Variants in TTC28 observed in about 807,000 individuals in gnomAD.
TTC28 encodes tetratricopeptide repeat protein 28.
Under a neutral mutation model 198.0 loss-of-function variants are expected in TTC28, and 61 were observed. The observed-to-expected ratio is 0.31, with a 90% CI of 0.25 to 0.38. The LOEUF (loss-of-function observed/expected upper bound fraction) is 0.38, where lower values mean the gene tolerates loss of function less well. TTC28 is among the 10% of genes least tolerant of loss of function. The pLI, the probability that TTC28 is intolerant of heterozygous loss-of-function variation, is 1.00. For missense variants in TTC28, 2,678 were observed against 3,164.0 expected, an observed-to-expected ratio of 0.85 and a Z score of 3.69; for synonymous variants, 1,171 against 1,297.8, an observed-to-expected ratio of 0.90 and a Z score of 2.10.
At chr22:28,203,195 G>T (rs948949434) in intron 5 of TTC28, among the ~76,000 whole-genome samples, 3 of 152,056 alleles carry the variant, frequency 2.0e-5, no homozygotes, top group African/African-American at 7.2e-5. Context: ...CAGAAATTGT[G>T]GCTTTTTCAT....
intron 5 of TTC28, among the ~76,000 whole-genome samples, chr22:28,170,404 G>A (rs889623925): frequency 7.3e-5 from 11 of 151,340 alleles, no homozygotes; most frequent in African/African-American, 2.4e-4. Context: ...CAGGAGAATG[G>A]CGTGAACCCA....
chr22:28,194,178 GACT>G (rs1925164196), intron 5 of TTC28, among the ~76,000 whole-genome samples: 2 of 152,164 alleles, frequency 1.3e-5, no homozygotes, highest in Admixed American at 6.5e-5. Flanking sequence ...ACTCCTCAAT[GACT>G]ACTGGGTACA....
At chr22:28,651,728 C>CT (rs1414886812) in intron 1 of TTC28, among the ~76,000 whole-genome samples, 4 of 149,874 alleles carry the variant, frequency 2.7e-5, no homozygotes, top group Non-Finnish European at 4.5e-5. Context: ...ACCCTCCTGA[C>CT]CTCTCTTAAA....
At chr22:28,116,573 T>C (rs1942635963) in intron 6 of TTC28, among the ~76,000 whole-genome samples, 1 of 152,170 alleles carries the variant, frequency 6.6e-6, no homozygotes. Flanking sequence ...AGTCAGAGTG[T>C]GCCTGGTTTT....
intron 6 of TTC28, among the ~76,000 whole-genome samples, chr22:28,157,731 G>C (rs191193563): frequency 6.6e-5 from 10 of 151,998 alleles, no homozygotes; most frequent in Admixed American, 4.6e-4. Context: ...TCATAAAAAC[G>C]CTCAAAAAAA....
chr22:28,437,501 T>G (rs1241577299), intron 2 of TTC28, among the ~76,000 whole-genome samples: 1 of 152,196 alleles, frequency 6.6e-6, no homozygotes. Context: ...TATCCAACTT[T>G]GGAGAACATT....
intron 2 of TTC28, among the ~76,000 whole-genome samples, chr22:28,313,229 C>T (rs1365171453): frequency 6.6e-6 from 1 of 152,092 alleles, no homozygotes; most frequent in Non-Finnish European, 1.5e-5. Context: ...AATAGCCTAC[C>T]AAACAAAAAC....
chr22:28,177,473 C>T (rs1047224533), intron 5 of TTC28, among the ~76,000 whole-genome samples: 1 of 152,188 alleles, frequency 6.6e-6, no homozygotes, highest in Admixed American at 6.5e-5. Context: ...TCAACATGGT[C>T]TTACCATGTG....
intron 2 of TTC28, among the ~76,000 whole-genome samples, chr22:28,553,204 GCCA>G (rs2049719385): frequency 6.6e-6 from 1 of 151,982 alleles, no homozygotes. Flanking sequence ...CTGCCCGGCC[GCCA>G]CCCCGTCTGG....
At chr22:28,271,208 A>AT (rs1048383915) in intron 5 of TTC28, among the ~76,000 whole-genome samples, 21 of 151,224 alleles carry the variant, frequency 1.4e-4, no homozygotes, top group African/African-American at 5.1e-4. Flanking sequence ...AGTAGCTGGG[A>AT]TTATAGGCAT....
chr22:28,208,737 A>AT (rs1926640489), intron 5 of TTC28, among the ~76,000 whole-genome samples: 1 of 152,132 alleles, frequency 6.6e-6, no homozygotes, highest in East Asian at 1.9e-4. Flanking sequence ...ATGTGCATAT[A>AT]TTTTTTCCAA....
At chr22:28,627,485 G>A (rs537481239) in intron 2 of TTC28, among the ~76,000 whole-genome samples, 2 of 148,356 alleles carry the variant, frequency 1.3e-5, no homozygotes, top group Non-Finnish European at 3.0e-5. Context: ...AGGCTGGAGT[G>A]CAGTGGTGCG....
chr22:28,085,977 T>C (rs1941577924), intron 12 of TTC28, among the ~76,000 whole-genome samples: 1 of 152,112 alleles, frequency 6.6e-6, no homozygotes, highest in Non-Finnish European at 1.5e-5. Context: ...CTAAAATATA[T>C]ATGCACCCAA....
At chr22:28,015,323 C>A (rs745452348) in intron 13 of TTC28, among the ~76,000 whole-genome samples, 29 of 151,266 alleles carry the variant, frequency 1.9e-4, no homozygotes, top group Non-Finnish European at 7.4e-5. Context: ...GTGGCCGCAG[C>A]ACAGCCATCA....
intron 2 of TTC28, among the ~76,000 whole-genome samples, chr22:28,523,726 CAGT>C (rs1384999835): frequency 6.6e-6 from 1 of 152,156 alleles, no homozygotes; most frequent in Non-Finnish European, 1.5e-5. Flanking sequence ...GCAAAGAACA[CAGT>C]AGAGCCTGAC....
At chr22:28,059,908 G>A (rs905817424) in intron 12 of TTC28, among the ~76,000 whole-genome samples, 15 of 134,026 alleles carry the variant, frequency 1.1e-4, no homozygotes, top group East Asian at 3.9e-4. Flanking sequence ...ATGGTATATC[G>A]TTTTCTACCC....
intron 16 of TTC28, 21 bp downstream of exon 16, chr22:27,998,519 C>G: frequency 1.3e-6 from 2 of 1,538,284 alleles, no homozygotes; most frequent in Non-Finnish European, 1.8e-6. Flanking sequence ...GACAGGCACC[C>G]GCAGCCAGCC....
intron 16 of TTC28, chr22:27,998,004 C>G (rs1347938480): frequency 1.3e-5 from 2 of 157,528 alleles, no homozygotes; most frequent in Non-Finnish European, 2.8e-5. Flanking sequence ...GGCAGGTCCA[C>G]TAAGAGCATG....
chr22:28,488,710 AG>A (rs2048340150), intron 2 of TTC28, among the ~76,000 whole-genome samples: 1 of 152,312 alleles, frequency 6.6e-6, no homozygotes. Flanking sequence ...GAAAGCTCTA[AG>A]GGTGTAAAAA....
Sources: allele counts gnomAD v4.1 joint callset (sites outside exome capture counted in the v4.1 genomes callset), GRCh38; gene constraint gnomAD v4.1.1; transcripts MANE v1.5; gene names NCBI Gene and HGNC (gene_info 2026-07-23, HGNC 2026-07-21).